The following CLNK variants were observed in gnomAD, a reference collection of about 807,000 sequenced individuals.
CLNK encodes cytokine-dependent hematopoietic cell linker.
A neutral mutation model predicts 68.6 loss-of-function variants in CLNK; 74 were observed. The observed-to-expected ratio is 1.08, with a 90% CI of 0.89 to 1.31. The LOEUF is 1.31. Ranked by LOEUF, CLNK falls within the 50% of genes most tolerant of loss-of-function variation. The pLI is 0.00. For synonymous variants in CLNK, 198 were observed against 172.2 expected (o/e 1.15, Z -1.17); for missense variants, 553 against 515.3 (o/e 1.07, Z -0.71).
chr4:10,702,435 T>C, the CLNK span, among the ~76,000 whole-genome samples: 1 of 152,124 alleles, frequency 6.6e-6, no homozygotes, highest in Non-Finnish European at 1.5e-5. Context: ...TAGTCAGTCC[T>C]ATTTTGGATA....
At chr4:10,546,568 G>A (rs1252331621) in intron 8 of CLNK, among the ~76,000 whole-genome samples, 1 of 152,150 alleles carries the variant, frequency 6.6e-6, no homozygotes, top group African/African-American at 2.4e-5. Context: ...TCACTAAGAA[G>A]TTCCAAACTT....
Position 10,540,621 on chromosome 4 carries a change from A to T in CLNK, c.492-17T>A, listed in dbSNP as rs1718976012. The T allele has an allele frequency of 5.7e-6, 9 of 1,582,060 alleles. No individual in the cohort carries two copies. In the East Asian group the frequency reaches 2.0e-4, roughly 35 times the overall value. ...ATGAGAGGCCTGTGTGGAGAGTCGCAGTAGGGTCCTGAGAAAGTTTGCTGC... is the reference window on the plus strand; with the variant it reads ...ATGAGAGGCCTGTGTGGAGAGTCGCTGTAGGGTCCTGAGAAAGTTTGCTGC... On this transcript the variant is annotated splice_polypyrimidine_tract_variant and intron_variant, in intron 10 of 18. Transcript: ENST00000226951.
chr4:10,711,826 CAAG>C, the CLNK span, among the ~76,000 whole-genome samples: 1 of 152,142 alleles, frequency 6.6e-6, no homozygotes, highest in Non-Finnish European at 1.5e-5. Flanking sequence ...GAAGTATTTA[CAAG>C]AAGAATTCCT....
At chr4:10,677,854 A>T (rs1724937890) in intron 1 of CLNK, among the ~76,000 whole-genome samples, 1 of 151,628 alleles carries the variant, frequency 6.6e-6, no homozygotes, top group Admixed American at 6.6e-5. Context: ...AATAATAATA[A>T]TAATAATACC....
chr4:10,725,807 A>AT, the CLNK span, among the ~76,000 whole-genome samples: 7 of 151,790 alleles, frequency 4.6e-5, no homozygotes, highest in Admixed American at 2.0e-4. Context: ...GTGAGCCGAG[A>AT]TGCGCCACTG....
intron 11 of CLNK, among the ~76,000 whole-genome samples, chr4:10,536,914 T>C (rs776382517): frequency 5.3e-5 from 8 of 151,556 alleles, no homozygotes; most frequent in Non-Finnish European, 7.4e-5. Context: ...CATTTGGCAA[T>C]TGAGTGAGCA....
intron 2 of CLNK, among the ~76,000 whole-genome samples, chr4:10,634,578 G>A (rs1274025478): frequency 6.6e-6 from 1 of 152,188 alleles, no homozygotes; most frequent in Non-Finnish European, 1.5e-5. Flanking sequence ...TGCACCGAAA[G>A]ACTGAATTTT....
chr4:10,502,893 A>C (rs1717112667), intron 17 of CLNK, among the ~76,000 whole-genome samples: 1 of 152,070 alleles, frequency 6.6e-6, no homozygotes, highest in South Asian at 2.1e-4. Flanking sequence ...CAAGAGGTGG[A>C]GACTGAGGGT....
At chr4:10,574,541 AACC>A in intron 4 of CLNK, among the ~76,000 whole-genome samples, 1 of 152,060 alleles carries the variant, frequency 6.6e-6, no homozygotes, top group Admixed American at 6.6e-5. Flanking sequence ...TTTAGCCGGA[AACC>A]ACCTCTGCCC....
chr4:10,610,573 C>A (rs1172956968), intron 2 of CLNK, among the ~76,000 whole-genome samples: 1 of 151,970 alleles, frequency 6.6e-6, no homozygotes, highest in Non-Finnish European at 1.5e-5. Flanking sequence ...TTTTCAAATG[C>A]TTTCTCCTTT....
intron 16 of CLNK, among the ~76,000 whole-genome samples, chr4:10,512,739 C>T (rs1488650755): frequency 1.3e-5 from 2 of 151,390 alleles, no homozygotes; most frequent in Non-Finnish European, 2.9e-5. Flanking sequence ...GGGATGGAGA[C>T]CTGGAAGAGG....
intron 10 of CLNK, among the ~76,000 whole-genome samples, chr4:10,541,360 G>A (rs900061250): frequency 2.0e-5 from 3 of 151,952 alleles, no homozygotes; most frequent in Non-Finnish European, 2.9e-5. Flanking sequence ...GAGATATAGA[G>A]AGGAAAAAGA....
intron 2 of CLNK, among the ~76,000 whole-genome samples, chr4:10,604,110 A>T (rs1371781757): frequency 1.3e-5 from 2 of 152,224 alleles, no homozygotes; most frequent in Non-Finnish European, 2.9e-5. Context: ...CATGGGGAAT[A>T]GCAGGGGGTA....
intron 18 of CLNK, among the ~76,000 whole-genome samples, chr4:10,498,884 G>A (rs1336677491): frequency 2.6e-5 from 4 of 152,238 alleles, no homozygotes; most frequent in Non-Finnish European, 4.4e-5. Context: ...CAGTGTTCCC[G>A]GGCTGTAGCA....
intron 18 of CLNK, among the ~76,000 whole-genome samples, chr4:10,498,257 T>C (rs1212582818): frequency 6.6e-6 from 1 of 152,078 alleles, no homozygotes; most frequent in Admixed American, 6.5e-5. Context: ...TCTGGGAGGC[T>C]GAGGCGGGCG....
At chr4:10,492,337 C>T (rs13115661) in intron 18 of CLNK, among the ~76,000 whole-genome samples, 9,021 of 152,208 alleles carry the variant, frequency 0.059, 343 homozygotes, top group Middle Eastern at 0.12. Flanking sequence ...CGTGTGGGGG[C>T]TACTCTGCCT....
intron 2 of CLNK, among the ~76,000 whole-genome samples, chr4:10,653,373 G>A (rs4697768): frequency 0.77 from 117,548 of 151,760 alleles, 45,867 homozygotes; most frequent in Non-Finnish European, 0.82. Context: ...AAAAAAGAAC[G>A]TAAAATAAAC....
chr4:10,579,772 TG>T (rs1720707147), intron 4 of CLNK, among the ~76,000 whole-genome samples: 1 of 152,156 alleles, frequency 6.6e-6, no homozygotes, highest in East Asian at 1.9e-4. Flanking sequence ...CACATGTGCC[TG>T]GCAACATGGC....
chr4:10,703,056 G>T, the CLNK span, among the ~76,000 whole-genome samples: 1 of 152,160 alleles, frequency 6.6e-6, no homozygotes, highest in Admixed American at 6.5e-5. Flanking sequence ...AGCATTCAGC[G>T]CAGAGGACAA....
Sources: allele counts gnomAD v4.1 joint callset (sites outside exome capture counted in the v4.1 genomes callset), GRCh38; gene constraint gnomAD v4.1.1; transcripts MANE v1.5; gene names NCBI Gene and HGNC (gene_info 2026-07-23, HGNC 2026-07-21).